The following SLC25A48 variants were observed in gnomAD, a reference collection of about 807,000 sequenced individuals.
SLC25A48 encodes CTC-321K16.1.
In SLC25A48, 29 loss-of-function variants were observed where a neutral mutation model predicts 32.2. The observed-to-expected ratio is 0.90, with a 90% confidence interval of 0.67 to 1.23. The LOEUF is 1.23. Among genes scored for constraint, SLC25A48 ranks in the 50% most tolerant of loss-of-function variants. The pLI is 0.00. For synonymous variants in SLC25A48, 164 were observed against 172.3 expected (o/e 0.95, Z 0.38); for missense variants, 399 against 422.7 (o/e 0.94, Z 0.49).
At chr5:135,856,474 C>A (rs1760329710) in intron 4 of SLC25A48, among the ~76,000 whole-genome samples, 1 of 152,164 alleles carries the variant, frequency 6.6e-6, no homozygotes, top group East Asian at 1.9e-4. Flanking sequence ...CTGCCCCAGC[C>A]CCGGAGCTGC....
intron 3 of SLC25A48, among the ~76,000 whole-genome samples, chr5:135,793,824 T>G (rs890881526): frequency 2.6e-5 from 4 of 151,954 alleles, no homozygotes; most frequent in African/African-American, 9.7e-5. Context: ...TTACGCCATG[T>G]GTGTACACTC....
At chr5:135,791,920 C>A (rs1392632988) in intron 3 of SLC25A48, among the ~76,000 whole-genome samples, 1 of 151,486 alleles carries the variant, frequency 6.6e-6, no homozygotes, top group Non-Finnish European at 1.5e-5. Flanking sequence ...ATGTAATATC[C>A]TAAGAAGATA....
intron 1 of SLC25A48, among the ~76,000 whole-genome samples, chr5:135,582,567 C>T (rs1387895743): frequency 6.6e-6 from 1 of 152,174 alleles, no homozygotes; most frequent in Non-Finnish European, 1.5e-5. Context: ...GCTGCTCACA[C>T]AGTGATCTCC....
intron 1 of SLC25A48, among the ~76,000 whole-genome samples, chr5:135,580,830 G>C (rs116247969): frequency 1.5e-3 from 226 of 152,220 alleles, no homozygotes; most frequent in African/African-American, 5.1e-3. Flanking sequence ...TGTACACATG[G>C]GATCAGGCTG....
intron 3 of SLC25A48, among the ~76,000 whole-genome samples, chr5:135,662,010 G>A (rs2126935072): frequency 6.6e-6 from 1 of 152,262 alleles, no homozygotes; most frequent in Admixed American, 6.5e-5. Context: ...GATAGGTGGT[G>A]CCCTATGAAA....
At chr5:135,597,876 C>T (rs987940647) in intron 1 of SLC25A48, among the ~76,000 whole-genome samples, 2 of 152,062 alleles carry the variant, frequency 1.3e-5, no homozygotes, top group East Asian at 1.9e-4. Flanking sequence ...TGGTGCTGCA[C>T]GCCTGTAGTC....
chr5:135,683,676 C>T (rs1753951389), intron 3 of SLC25A48, among the ~76,000 whole-genome samples: 1 of 152,152 alleles, frequency 6.6e-6, no homozygotes. Context: ...GGAGGGTCAT[C>T]CCACCATCGT....
chr5:135,706,489 A>T (rs1368057406), intron 3 of SLC25A48, among the ~76,000 whole-genome samples: 4 of 151,158 alleles, frequency 2.6e-5, no homozygotes, highest in Admixed American at 6.6e-5. Context: ...TGCACTTAGT[A>T]CAGGGTCTAA....
intron 4 of SLC25A48, among the ~76,000 whole-genome samples, chr5:135,859,657 T>C (rs910784732): frequency 6.6e-6 from 1 of 152,098 alleles, no homozygotes; most frequent in Non-Finnish European, 1.5e-5. Flanking sequence ...GGCTAGGCAA[T>C]GGGTGCTTGC....
intron 3 of SLC25A48, among the ~76,000 whole-genome samples, chr5:135,680,248 C>T (rs751261512): frequency 2.0e-5 from 3 of 152,148 alleles, no homozygotes; most frequent in Admixed American, 6.5e-5. Flanking sequence ...AGCCCCTCCC[C>T]GATTACTGTT....
Position 135,741,978 on chromosome 5 carries a change from T to G in SLC25A48, c.-520-70545T>G, listed in dbSNP as rs1039309055. 4.6e-5 allele frequency among the ~76,000 whole-genome samples: 7 copies of G among 152,364 alleles called. No individual in the cohort carries two copies. In the South Asian group the frequency reaches 6.2e-4, roughly 14 times the overall value. Reference sequence around the variant, plus strand: ...TTGGCTACAGAATCCAATGAAATGCTTCATTTGACTACTGGGCATTTCTTT... The same window carrying G: ...TTGGCTACAGAATCCAATGAAATGCGTCATTTGACTACTGGGCATTTCTTT... On this transcript the variant is annotated intron_variant, in intron 3 of 10. Transcript: ENST00000646290.
At chr5:135,768,522 TA>T (rs1445281234) in intron 3 of SLC25A48, among the ~76,000 whole-genome samples, 1 of 151,500 alleles carries the variant, frequency 6.6e-6, no homozygotes, top group African/African-American at 2.4e-5. Context: ...GAGGGGAGGA[TA>T]ATATTACTCT....
intron 3 of SLC25A48, among the ~76,000 whole-genome samples, chr5:135,779,004 T>C (rs904250997): frequency 6.6e-6 from 1 of 151,830 alleles, no homozygotes; most frequent in Admixed American, 6.6e-5. Context: ...CCCCCAGTGA[T>C]ATAGTTCTTA....
At chr5:135,848,464 G>A (rs1231532741) in intron 2 of SLC25A48, among the ~76,000 whole-genome samples, 1 of 152,204 alleles carries the variant, frequency 6.6e-6, no homozygotes, top group African/African-American at 2.4e-5. Context: ...AGAAGACCTT[G>A]AAGGCCCAGT....
intron 7 of SLC25A48, among the ~76,000 whole-genome samples, chr5:135,881,238 C>T (rs989133061): frequency 3.9e-5 from 6 of 152,236 alleles, no homozygotes; most frequent in African/African-American, 7.2e-5. Context: ...CATTTGACAT[C>T]AGTCTTGGTT....
intron 1 of SLC25A48, among the ~76,000 whole-genome samples, chr5:135,841,227 C>A (rs549775471): frequency 4.6e-5 from 7 of 152,152 alleles, no homozygotes; most frequent in Non-Finnish European, 7.4e-5. Context: ...TTTGGAGAAA[C>A]GTGTGTGCAA....
At chr5:135,692,041 G>T (rs1461925935) in intron 3 of SLC25A48, among the ~76,000 whole-genome samples, 1 of 152,152 alleles carries the variant, frequency 6.6e-6, no homozygotes, top group African/African-American at 2.4e-5. Flanking sequence ...AGGCAGTCCG[G>T]GCGCGGTGGC....
intron 3 of SLC25A48, among the ~76,000 whole-genome samples, chr5:135,770,324 A>T (rs1756374036): frequency 6.6e-6 from 1 of 151,378 alleles, no homozygotes; most frequent in African/African-American, 2.4e-5. Flanking sequence ...GGGGGAGAGG[A>T]TAATATTACT....
rs1756475714 is a variant in SLC25A48, at chr5:135,773,689, GAGA to G, written c.-520-38830_-520-38828del. Reference sequence around the variant, plus strand: ...ATATTGCTTCTAATATCCAGGAAGGGAGAAGATTATATTACTCCTAATATCGCA... The same window carrying G: ...ATATTGCTTCTAATATCCAGGAAGGGAGATTATATTACTCCTAATATCGCA... On this transcript the variant is annotated intron_variant, in intron 3 of 10. Coordinates refer to the SLC25A48 transcript ENST00000646290. 7.3e-5 allele frequency among the ~76,000 whole-genome samples: 11 copies of G among 151,332 alleles called. No individual in the cohort carries two copies. The South Asian group carries it at 1.9e-3, about 26-fold the overall frequency.
Sources: allele counts gnomAD v4.1 joint callset (sites outside exome capture counted in the v4.1 genomes callset), GRCh38; gene constraint gnomAD v4.1.1; transcripts MANE v1.5; gene names NCBI Gene and HGNC (gene_info 2026-07-23, HGNC 2026-07-21).